Variants in HDAC9 observed in about 807,000 individuals in gnomAD.
HDAC9 encodes MEF-2 interacting transcription repressor (MITR) protein.
In HDAC9, 41 loss-of-function variants were observed where a neutral mutation model predicts 139.4. The ratio of observed to expected loss-of-function variants is 0.29; its 90% CI spans 0.23 to 0.38. The LOEUF is 0.38. Ranked by LOEUF, HDAC9 falls within the 10% of genes least tolerant of loss-of-function variation. The pLI is 1.00. For missense variants in HDAC9, 1,147 were observed against 1,297.0 expected, an observed-to-expected ratio of 0.88 and a Z score of 1.78; for synonymous variants, 517 against 476.2, an observed-to-expected ratio of 1.09 and a Z score of -1.12.
intron 1 of HDAC9, among the ~76,000 whole-genome samples, chr7:18,117,166 G>A (rs935960088): frequency 1.3e-5 from 2 of 151,992 alleles, no homozygotes; most frequent in Non-Finnish European, 2.9e-5. Context: ...GACCTTATTT[G>A]GAAAAAAGGT....
intron 14 of HDAC9, among the ~76,000 whole-genome samples, chr7:18,758,983 A>G (rs1562919609): frequency 6.6e-6 from 1 of 152,172 alleles, no homozygotes. Context: ...AGTGTAAAAT[A>G]GTTGCTTAGA....
chr7:18,107,966 C>T (rs2128079448), intron 1 of HDAC9, among the ~76,000 whole-genome samples: 1 of 152,238 alleles, frequency 6.6e-6, no homozygotes, highest in Non-Finnish European at 1.5e-5. Flanking sequence ...GATTCTTAGA[C>T]AAAGATTTGA....
chr7:18,604,869 T>C (rs1034449624), intron 6 of HDAC9, among the ~76,000 whole-genome samples: 1 of 152,200 alleles, frequency 6.6e-6, no homozygotes, highest in East Asian at 1.9e-4. Flanking sequence ...GTTCCCTTTC[T>C]GTTAATTCCA....
chr7:18,905,681 T>G (rs950309661), intron 22 of HDAC9, among the ~76,000 whole-genome samples: 1 of 152,178 alleles, frequency 6.6e-6, no homozygotes, highest in Non-Finnish European at 1.5e-5. Flanking sequence ...TGCAGGGAAA[T>G]GGAAGGGATT....
intron 22 of HDAC9, among the ~76,000 whole-genome samples, chr7:18,905,787 A>C (rs1802180865): frequency 6.6e-6 from 1 of 152,166 alleles, no homozygotes; most frequent in Non-Finnish European, 1.5e-5. Flanking sequence ...CATATTACTT[A>C]GCACTCGCAC....
chr7:18,768,797 A>AT (rs1268580107), intron 16 of HDAC9, among the ~76,000 whole-genome samples: 1 of 152,128 alleles, frequency 6.6e-6, no homozygotes, highest in African/African-American at 2.4e-5. Flanking sequence ...TCAATTTATG[A>AT]TTTTTTGATT....
intron 21 of HDAC9, among the ~76,000 whole-genome samples, chr7:18,869,429 G>A (rs796406361): frequency 4.9e-4 from 75 of 152,090 alleles, no homozygotes; most frequent in African/African-American, 1.6e-3. Context: ...CTCCTACTCT[G>A]CCATGTTTGT....
At chr7:18,893,660 G>A (rs573423500) in intron 22 of HDAC9, among the ~76,000 whole-genome samples, 2 of 152,246 alleles carry the variant, frequency 1.3e-5, no homozygotes, top group African/African-American at 4.8e-5. Context: ...GTTCTTTTGG[G>A]GAGCATTGTC....
At chr7:18,213,020 A>G (rs1792057650) in intron 2 of HDAC9, among the ~76,000 whole-genome samples, 1 of 152,208 alleles carries the variant, frequency 6.6e-6, no homozygotes, top group African/African-American at 2.4e-5. Flanking sequence ...ACAGCATGTA[A>G]TTTGGATAAC....
At chr7:18,461,771 T>G (rs1420469187) in intron 1 of HDAC9, among the ~76,000 whole-genome samples, 4 of 152,170 alleles carry the variant, frequency 2.6e-5, no homozygotes, top group Non-Finnish European at 4.4e-5. Flanking sequence ...ATTTTTTAAA[T>G]AAACATTTAG....
At chr7:18,293,560 A>C (rs897230387) in intron 1 of HDAC9, among the ~76,000 whole-genome samples, 5 of 152,156 alleles carry the variant, frequency 3.3e-5, no homozygotes, top group Admixed American at 2.6e-4. Flanking sequence ...GGCCACTGCA[A>C]ACCATCTTCC....
intron 11 of HDAC9, among the ~76,000 whole-genome samples, chr7:18,665,982 C>T (rs1794754701): frequency 6.6e-6 from 1 of 151,938 alleles, no homozygotes; most frequent in Non-Finnish European, 1.5e-5. Flanking sequence ...AAAAACAATC[C>T]AACACTTAAA....
chr7:18,502,664 A>G (rs1798700911), intron 2 of HDAC9: 2 of 152,146 alleles, frequency 1.3e-5, no homozygotes, highest in South Asian at 2.1e-4. Flanking sequence ...CTAGTATTGA[A>G]TATAAGTTTT....
chr7:18,812,666 T>A (rs1312588412), intron 17 of HDAC9, among the ~76,000 whole-genome samples: 1 of 151,946 alleles, frequency 6.6e-6, no homozygotes, highest in Non-Finnish European at 1.5e-5. Flanking sequence ...TACATTGAGC[T>A]TAATGTGTGG....
Position 18,652,565 on chromosome 7 carries a change from A to T in HDAC9, c.1467+3882A>T, listed in dbSNP as rs576818170. 2.0e-5 allele frequency among the ~76,000 whole-genome samples: 3 copies of T among 152,184 alleles called. No individual in the cohort carries two copies. The East Asian group carries it at 5.8e-4, about 29-fold the overall frequency. ...GAAAATTTTCAAAATCTCTTTAGGC[A>T]TTTTTGTTGTGAGGTAATTTGACAT... On this transcript the variant is annotated intron_variant, in intron 11 of 25. Transcript: ENST00000686413.
At chr7:18,474,685 T>C (rs1313282036) in intron 1 of HDAC9, among the ~76,000 whole-genome samples, 2 of 152,136 alleles carry the variant, frequency 1.3e-5, no homozygotes, top group African/African-American at 2.4e-5. Flanking sequence ...TTTCAGGGTA[T>C]TAGTGAACTA....
chr7:18,961,863 C>G (rs1160821803), intron 24 of HDAC9, among the ~76,000 whole-genome samples: 1 of 152,154 alleles, frequency 6.6e-6, no homozygotes, highest in East Asian at 1.9e-4. Flanking sequence ...ATCCAGTCTT[C>G]CCTCTTAGCC....
intron 13 of HDAC9, among the ~76,000 whole-genome samples, chr7:18,747,956 C>T (rs571730968): frequency 2.0e-4 from 30 of 152,206 alleles, no homozygotes; most frequent in Admixed American, 2.0e-3. Flanking sequence ...CTTATCTATT[C>T]CTGAAGATTT....
chr7:18,935,946 A>G lies in HDAC9; in HGVS notation c.2937+4A>G, dbSNP rs1781598092. ...AAATGCCCTTCTAGGAAATGAGGTA[A>G]AAAAGTAAAAGTACAAAGGGGCAGG... On this transcript the variant is annotated splice_donor_region_variant and intron_variant, in intron 23 of 25. Coordinates refer to ENST00000686413, the MANE Select transcript of HDAC9 (RefSeq NM_178425.4). 1 of 1,611,970 alleles carries G rather than the reference A, an allele frequency of 6.2e-7. No individual in the cohort carries two copies. Among genetic ancestry groups the G allele is most frequent in the Non-Finnish European group, 8.5e-7 (1 of 1,178,450 alleles).
Sources: gnomAD v4.1 joint callset for allele counts (sites outside exome capture counted in the v4.1 genomes callset) on GRCh38, gnomAD v4.1.1 for gene constraint, MANE v1.5 for transcripts, NCBI Gene and HGNC (gene_info 2026-07-23, HGNC 2026-07-21) for gene names.